Variants in CNTN6 observed in about 807,000 individuals in gnomAD.
CNTN6 encodes contactin 6, also known as contactin-6.
Under a neutral mutation model 122.8 loss-of-function variants are expected in CNTN6, and 137 were observed. The observed-to-expected ratio is 1.12, with a 90% CI of 0.97 to 1.29. The LOEUF (loss-of-function observed/expected upper bound fraction) is 1.29, where lower values mean the gene tolerates loss of function less well. Among genes scored for constraint, CNTN6 ranks in the 50% most tolerant of loss-of-function variants. CNTN6 has a pLI of 0.00. For synonymous variants in CNTN6, 570 were observed against 426.0 expected (o/e 1.34, Z -4.16); for missense variants, 1,634 against 1,223.4 (o/e 1.34, Z -5.01).
At chr3:1,318,488 T>C (rs1479203402) in intron 7 of CNTN6, among the ~76,000 whole-genome samples, 2 of 151,862 alleles carry the variant, frequency 1.3e-5, no homozygotes, top group Non-Finnish European at 2.9e-5. Flanking sequence ...TTCTAATTAA[T>C]TGAATTTTTA....
chr3:1,285,856 A>G (rs1477383220), intron 5 of CNTN6, among the ~76,000 whole-genome samples: 2 of 152,196 alleles, frequency 1.3e-5, no homozygotes, highest in East Asian at 3.9e-4. Flanking sequence ...TCTTTACTCT[A>G]CTGGAGACTA....
chr3:1,129,694 A>G (rs536293236), intron 1 of CNTN6, among the ~76,000 whole-genome samples: 88 of 152,218 alleles, frequency 5.8e-4, no homozygotes, highest in African/African-American at 2.0e-3. Context: ...TCCAGTGTCA[A>G]TGTTGGTATA....
intron 12 of CNTN6, among the ~76,000 whole-genome samples, chr3:1,358,418 C>G (rs1005041669): frequency 1.3e-5 from 2 of 150,304 alleles, no homozygotes; most frequent in African/African-American, 2.4e-5. Context: ...TAGGCATTCT[C>G]TCTCTAAATT....
At chr3:1,286,105 C>G (rs1694287801) in intron 5 of CNTN6, among the ~76,000 whole-genome samples, 1 of 152,228 alleles carries the variant, frequency 6.6e-6, no homozygotes, top group Non-Finnish European at 1.5e-5. Context: ...CTGTTGCAGC[C>G]TGTTACCATG....
At chr3:1,275,340 C>G (rs1175924006) in intron 4 of CNTN6, among the ~76,000 whole-genome samples, 1 of 152,200 alleles carries the variant, frequency 6.6e-6, no homozygotes, top group African/African-American at 2.4e-5. Context: ...CTTCTCGATT[C>G]ATATTGGCTT....
At chr3:1,260,913 G>A (rs900675411) in intron 4 of CNTN6, among the ~76,000 whole-genome samples, 1 of 152,038 alleles carries the variant, frequency 6.6e-6, no homozygotes, top group African/African-American at 2.4e-5. Context: ...ATTACCCAGT[G>A]TCAGGTATGT....
At chr3:1,221,032 C>T (rs2094201063) in intron 3 of CNTN6, among the ~76,000 whole-genome samples, 1 of 152,128 alleles carries the variant, frequency 6.6e-6, no homozygotes, top group Admixed American at 6.6e-5. Context: ...CAATAATTAA[C>T]CCCCTACCCA....
At chr3:1,101,343 G>A (rs2090886110) in intron 1 of CNTN6, among the ~76,000 whole-genome samples, 1 of 152,080 alleles carries the variant, frequency 6.6e-6, no homozygotes, top group African/African-American at 2.4e-5. Context: ...GCCTCTGAGG[G>A]CTTACCTCTT....
At chr3:1,277,518 G>GAACA in intron 4 of CNTN6, among the ~76,000 whole-genome samples, 1 of 151,730 alleles carries the variant, frequency 6.6e-6, no homozygotes, top group East Asian at 1.9e-4. Flanking sequence ...GTGCCACCAT[G>GAACA]CCTGGCTAAT....
At chr3:1,287,849 A>C (rs774247432) in intron 5 of CNTN6, among the ~76,000 whole-genome samples, 2 of 152,166 alleles carry the variant, frequency 1.3e-5, no homozygotes, top group Non-Finnish European at 2.9e-5. Flanking sequence ...AGTCCTGGGA[A>C]TTCTCCTCCT....
chr3:1,315,790 G>A (rs1425324065), intron 7 of CNTN6, among the ~76,000 whole-genome samples: 2 of 151,752 alleles, frequency 1.3e-5, no homozygotes, highest in African/African-American at 4.8e-5. Flanking sequence ...ATGATGAAGT[G>A]AACATGACTA....
intron 12 of CNTN6, among the ~76,000 whole-genome samples, chr3:1,367,255 T>G (rs529988146): frequency 5.9e-5 from 9 of 152,004 alleles, no homozygotes; most frequent in Non-Finnish European, 8.8e-5. Context: ...TAAAACTTAT[T>G]CCTCCCATCT....
At chr3:1,332,391 G>T (rs186818181) in intron 11 of CNTN6, among the ~76,000 whole-genome samples, 1 of 151,866 alleles carries the variant, frequency 6.6e-6, no homozygotes. Context: ...GCTTCTGTTT[G>T]TGTCAGACTA....
At chr3:1,267,426 G>A (rs934888794) in intron 4 of CNTN6, among the ~76,000 whole-genome samples, 1 of 152,066 alleles carries the variant, frequency 6.6e-6, no homozygotes, top group Non-Finnish European at 1.5e-5. Context: ...GGAGTCATAT[G>A]GGGTACCTAC....
intron 8 of CNTN6, among the ~76,000 whole-genome samples, chr3:1,324,982 G>A (rs183185546): frequency 2.1e-5 from 3 of 139,744 alleles, no homozygotes; most frequent in Admixed American, 1.4e-4. Context: ...ATATACTTCT[G>A]TATATCCAAG....
intron 2 of CNTN6, among the ~76,000 whole-genome samples, chr3:1,156,873 G>A (rs1264318301): frequency 6.6e-6 from 1 of 151,616 alleles, no homozygotes; most frequent in South Asian, 2.1e-4. Context: ...ATGCACCATC[G>A]TGCCTGGCTA....
At chr3:1,388,372 T>TAACA (rs1368169053) in intron 20 of CNTN6, among the ~76,000 whole-genome samples, 2 of 148,570 alleles carry the variant, frequency 1.3e-5, no homozygotes, top group African/African-American at 2.5e-5. Context: ...GAAGGAAAAC[T>TAACA]AACAAACAGA....
intron 2 of CNTN6, among the ~76,000 whole-genome samples, chr3:1,204,032 G>C (rs2093922815): frequency 6.6e-6 from 1 of 152,292 alleles, no homozygotes; most frequent in South Asian, 2.1e-4. Flanking sequence ...CTAGGTTTGT[G>C]TAAGTGCACT....
intron 19 of CNTN6, 91 bp downstream of exon 19, chr3:1,383,499 G>T: frequency 1.1e-6 from 1 of 924,748 alleles, no homozygotes; most frequent in Non-Finnish European, 1.7e-6. Context: ...CTAGCCTGTT[G>T]TTAGCATATG....
Sources: allele counts gnomAD v4.1 joint callset (sites outside exome capture counted in the v4.1 genomes callset), GRCh38; gene constraint gnomAD v4.1.1; transcripts MANE v1.5; gene names NCBI Gene and HGNC (gene_info 2026-07-23, HGNC 2026-07-21).